CFAP54: variants seen among roughly 807,000 people sequenced by gnomAD.
CFAP54 encodes the protein cilia- and flagella-associated protein 54.
A neutral mutation model predicts 370.4 loss-of-function variants in CFAP54; 290 were observed. The ratio of observed to expected loss-of-function variants is 0.78; its 90% CI spans 0.71 to 0.86. The LOEUF (loss-of-function observed/expected upper bound fraction) is 0.86. Among genes scored for constraint, CFAP54 ranks in the 40% least tolerant of loss-of-function variants. The pLI is 0.00. For missense variants in CFAP54, 3,399 were observed against 3,528.7 expected, an observed-to-expected ratio of 0.96 and a Z score of 0.93; for synonymous variants, 1,206 against 1,236.5, an observed-to-expected ratio of 0.98 and a Z score of 0.52.
At position 96,660,097 on chromosome 12, in the gene CFAP54, A is replaced by T. The variant is rs79286596; in HGVS notation, c.5460+1751A>T. 5.6e-3 allele frequency among the ~76,000 whole-genome samples: 846 copies of T among 152,354 alleles called. 7 individuals are homozygous for T. The highest frequency in any genetic ancestry group is 0.019 in the African/African-American group (804 of 41,580). ...AGAGATGAACTGGGTGAGAGGTGGT[A>T]ACTTTAGTAAGGGTGATCTAGAAGA... On this transcript the variant is annotated intron_variant, in intron 38 of 67. Transcript: ENST00000524981.
At chr12:96,505,410 A>G (rs968179888) in intron 3 of CFAP54, among the ~76,000 whole-genome samples, 3 of 151,282 alleles carry the variant, frequency 2.0e-5, no homozygotes, top group Non-Finnish European at 4.4e-5. Context: ...CTACCCATTG[A>G]CTTTGCCTTT....
At chr12:96,500,750 G>A in intron 1 of CFAP54, 84 bp from the exon 2 acceptor site, 1 of 847,618 alleles carries the variant, frequency 1.2e-6, no homozygotes, top group Non-Finnish European at 1.8e-6. Flanking sequence ...TTTAGCATAA[G>A]GTAAGTTTTA....
Position 96,743,426 on chromosome 12 carries a change from G to A in CFAP54, c.7244G>A (p.Ser2415Asn), listed in dbSNP as rs1958074091. The stretch of plus-strand genomic sequence containing the variant: ...GAGGATGATATGACAGATTGCCTGA[G>A]CCTCATCAATGAAGTGTGTATGGAG... ...VKEDDMTDCL[S>N]LINEVCMEAK... Residue 2415 changes from serine to asparagine, a missense_variant, in exon 53 of 68, where the codon AGC becomes AAC. By Grantham distance (46) the Ser-to-Asn change is conservative. Coordinates refer to ENST00000524981, the MANE Select transcript of CFAP54 (RefSeq NM_001306084.2). 6.2e-7 allele frequency: 1 copy of A among 1,613,880 alleles called. No individual in the cohort carries two copies. The highest frequency in any genetic ancestry group is 1.7e-5 in the Admixed American group (1 of 59,986).
At chr12:96,554,057 TGTTA>T (rs1233425691) in intron 15 of CFAP54, 121 bp from the exon 16 acceptor site, 1 of 543,988 alleles carries the variant, frequency 1.8e-6, no homozygotes, top group African/African-American at 2.0e-5. Flanking sequence ...GACATAACAT[TGTTA>T]GTGTTAGATA....
rs1565883407 is a variant in CFAP54 at position 96,522,091 on chromosome 12, G to T, written c.1060G>T (p.Ala354Ser). ...RYFREATMKM[A>S]VMIFKRGVFE... ...ATAATTCTGCTTTTTGAGGCAGATG[G>T]CAGTGATGATCTTCAAAAGAGGAGT... The change falls in exon 8 of 68, where the codon GCA becomes TCA. Residue 354 changes from alanine to serine, a missense_variant. Physicochemically the swap from Ala to Ser is moderately conservative, Grantham distance 99. This residue lies in a region of CFAP54 where 559 missense variants were observed against 576.7 expected (regional missense o/e 0.97). Transcript: ENST00000524981. The T allele has an allele frequency of 1.3e-6, 2 of 1,534,956 alleles. No homozygotes were observed. The highest frequency in any genetic ancestry group is 2.7e-5 in the African/African-American group (2 of 72,948).
At chr12:96,743,320 G>T in intron 52 of CFAP54, 82 bp from the exon 53 acceptor site, 1 of 1,351,678 alleles carries the variant, frequency 7.4e-7, no homozygotes. Flanking sequence ...CAATATTTCT[G>T]TGATGAAAAT....
intron 35 of CFAP54, 63 bp downstream of exon 35, chr12:96,650,135 T>C (rs943377870): frequency 2.0e-5 from 27 of 1,335,726 alleles, no homozygotes; most frequent in Non-Finnish European, 2.6e-5. Context: ...AACTTGGGCG[T>C]TTAAGATACA....
At chr12:96,618,405 A>G (rs770988710) in intron 26 of CFAP54, among the ~76,000 whole-genome samples, 2 of 152,208 alleles carry the variant, frequency 1.3e-5, no homozygotes, top group Non-Finnish European at 2.9e-5. Context: ...AGATCCCAGC[A>G]CATGTGGGAG....
At position 96,625,925 on chromosome 12, in the gene CFAP54, T is replaced by C. The variant is rs1956545328; in HGVS notation, c.3976+118T>C. ...TTTCACCTGTTTCAGGCAGAATATT[T>C]TGAATTCTTACCCACTCAGAATAAT... On this transcript the variant is annotated intron_variant, in intron 29 of 67. Transcript: ENST00000524981. The C allele has an allele frequency of 3.9e-6, 3 of 763,876 alleles. No individual in the cohort carries two copies. The East Asian group carries it at 8.4e-5, about 21-fold the overall frequency. The allele number at this position is 763,876 out of a possible 1,614,324, so 47.3% of individuals were successfully genotyped here. A position where few individuals can be genotyped will look rare whatever the true frequency, so the allele number is the denominator to read the frequency against.
At chr12:96,807,288 C>T (rs1958891808) in intron 63 of CFAP54, among the ~76,000 whole-genome samples, 1 of 152,152 alleles carries the variant, frequency 6.6e-6, no homozygotes, top group African/African-American at 2.4e-5. Flanking sequence ...TTTCTCATCC[C>T]TACTATTGAT....
chr12:96,539,870 A>G (rs1490403666), intron 13 of CFAP54, among the ~76,000 whole-genome samples: 1 of 152,172 alleles, frequency 6.6e-6, no homozygotes, highest in African/African-American at 2.4e-5. Flanking sequence ...TTTGAATATT[A>G]TAACCTGGAA....
intron 66 of CFAP54, among the ~76,000 whole-genome samples, chr12:96,839,087 CAGTATGTGT>C (rs1315991505): frequency 5.9e-5 from 9 of 152,246 alleles, no homozygotes; most frequent in African/African-American, 1.9e-4. Flanking sequence ...ATTTGTGAAG[CAGTATGTGT>C]AGTGGTTAGT....
intron 39 of CFAP54, among the ~76,000 whole-genome samples, chr12:96,672,220 G>T (rs1326952187): frequency 6.6e-6 from 1 of 152,094 alleles, no homozygotes; most frequent in Non-Finnish European, 1.5e-5. Flanking sequence ...ATAGAGCAAG[G>T]ACCTTGAGAC....
intron 34 of CFAP54, 23 bp downstream of exon 34, chr12:96,648,040 T>C: frequency 6.8e-7 from 1 of 1,473,496 alleles, no homozygotes. Flanking sequence ...TGTTAGTTTA[T>C]TATTAAATTA....
chr12:96,619,899 T>A (rs1309375155), intron 26 of CFAP54, among the ~76,000 whole-genome samples: 1 of 152,214 alleles, frequency 6.6e-6, no homozygotes, highest in Non-Finnish European at 1.5e-5. Flanking sequence ...GACCTAACCC[T>A]ACCTACCTAT....
At chr12:96,603,724 T>C (rs528616658) in intron 26 of CFAP54, among the ~76,000 whole-genome samples, 122 of 147,774 alleles carry the variant, frequency 8.3e-4, no homozygotes, top group African/African-American at 2.8e-3. Context: ...ATCACTGATA[T>C]CCTTTCTTCC....
rs1257818921 is a variant in CFAP54, at chr12:96,795,114, G to A, written c.8850+2615G>A. 2.6e-5 allele frequency among the ~76,000 whole-genome samples: 4 copies of A among 152,158 alleles called. No homozygotes were observed. The East Asian group carries it at 5.8e-4, about 22-fold the overall frequency. On this transcript the variant is annotated intron_variant, in intron 63 of 67. Coordinates refer to ENST00000524981, the MANE Select transcript of CFAP54 (RefSeq NM_001306084.2). ...ATCCACCTTCAGGTCTCTCAGCCAT[G>A]GATACCAGCACCTGCTCTGGTGGAG...
intron 40 of CFAP54, among the ~76,000 whole-genome samples, chr12:96,681,370 C>CTTTT (rs202097088): frequency 1.5e-5 from 2 of 134,822 alleles, no homozygotes; most frequent in African/African-American, 2.8e-5. Flanking sequence ...AAGGTTTTTC[C>CTTTT]TTTTTTTTTT....
chr12:96,837,981 C>G (rs1259116142), intron 66 of CFAP54, among the ~76,000 whole-genome samples: 2 of 152,170 alleles, frequency 1.3e-5, no homozygotes, highest in Non-Finnish European at 2.9e-5. Flanking sequence ...CTTCTGATAT[C>G]TTTTTAGAAG....
Sources: allele counts gnomAD v4.1 joint callset (sites outside exome capture counted in the v4.1 genomes callset), GRCh38; gene constraint gnomAD v4.1.1; regional missense constraint gnomAD v4.1.1; transcripts MANE v1.5; gene names NCBI Gene and HGNC (gene_info 2026-07-23, HGNC 2026-07-21).